Variants in CEP170 observed in about 807,000 individuals in gnomAD.
The protein encoded by CEP170 is centrosomal protein 170.
In CEP170, 21 loss-of-function variants were observed where a neutral mutation model predicts 151.9. That is an observed-to-expected ratio of 0.14 (90% CI 0.10 to 0.20). The LOEUF is 0.20. Among genes scored for constraint, CEP170 ranks in the 10% least tolerant of loss-of-function variants. CEP170 has a pLI of 1.00. For missense variants in CEP170, 964 were observed against 1,892.9 expected, an observed-to-expected ratio of 0.51 and a Z score of 9.11; for synonymous variants, 356 against 648.8, an observed-to-expected ratio of 0.55 and a Z score of 6.86.
At chr1:243,129,684 ATTC>A (rs1184371740) in intron 17 of CEP170, among the ~76,000 whole-genome samples, 1 of 152,128 alleles carries the variant, frequency 6.6e-6, no homozygotes, top group Non-Finnish European at 1.5e-5. Context: ...TGTTTATCTT[ATTC>A]TTTATTGAAA....
intron 10 of CEP170, among the ~76,000 whole-genome samples, chr1:243,181,645 T>C (rs1173027384): frequency 6.6e-6 from 1 of 152,216 alleles, no homozygotes; most frequent in Non-Finnish European, 1.5e-5. Context: ...TTTGCTCATC[T>C]TCTTTAGCCC....
chr1:243,150,977 A>G (rs1177091330), intron 14 of CEP170, among the ~76,000 whole-genome samples: 1 of 152,086 alleles, frequency 6.6e-6, no homozygotes, highest in African/African-American at 2.4e-5. Flanking sequence ...CAGAGTCCAT[A>G]TTCTTCACCA....
intron 3 of CEP170, among the ~76,000 whole-genome samples, chr1:243,213,769 G>C (rs2062019970): frequency 6.6e-6 from 1 of 152,168 alleles, no homozygotes; most frequent in South Asian, 2.1e-4. Flanking sequence ...GAGTGCAGTG[G>C]CATGGACCAC....
At chr1:243,144,450 C>G (rs2056231044) in intron 14 of CEP170, among the ~76,000 whole-genome samples, 1 of 152,136 alleles carries the variant, frequency 6.6e-6, no homozygotes, top group African/African-American at 2.4e-5. Flanking sequence ...TGATGTGATT[C>G]TTTTGAAATG....
At chr1:243,135,351 C>A (rs12124466) in intron 17 of CEP170, among the ~76,000 whole-genome samples, 3 of 151,900 alleles carry the variant, frequency 2.0e-5, no homozygotes, top group Non-Finnish European at 4.4e-5. Flanking sequence ...GGACTACAGG[C>A]GCCCGCCACC....
intron 1 of CEP170, among the ~76,000 whole-genome samples, chr1:243,235,587 T>C (rs1048901457): frequency 6.6e-6 from 1 of 152,102 alleles, no homozygotes; most frequent in African/African-American, 2.4e-5. Context: ...ATCTGCCATA[T>C]ACATTATTAA....
At chr1:243,189,417 G>A (rs1344858773) in intron 8 of CEP170, among the ~76,000 whole-genome samples, 1 of 151,884 alleles carries the variant, frequency 6.6e-6, no homozygotes, top group African/African-American at 2.4e-5. Context: ...TTAGCCGGGT[G>A]TGGTGGTGGG....
chr1:243,179,342 C>G (rs2059465614), intron 10 of CEP170, among the ~76,000 whole-genome samples: 1 of 152,062 alleles, frequency 6.6e-6, no homozygotes. Context: ...CTTTCCTTGC[C>G]AAGCAGATTT....
intron 12 of CEP170, among the ~76,000 whole-genome samples, chr1:243,168,741 A>G (rs1270273280): frequency 6.6e-6 from 1 of 151,768 alleles, no homozygotes; most frequent in Non-Finnish European, 1.5e-5. Context: ...TCTTATTGTT[A>G]ATTAGAAAAC....
intron 13 of CEP170, among the ~76,000 whole-genome samples, chr1:243,159,760 G>T (rs2057888157): frequency 1.7e-5 from 1 of 58,636 alleles, no homozygotes; most frequent in African/African-American, 8.5e-5. Flanking sequence ...TTTGTTTCCG[G>T]TTTTGTGTGT....
intron 12 of CEP170, 114 bp from the exon 13 acceptor site, chr1:243,166,230 T>G: frequency 1.4e-6 from 2 of 1,397,564 alleles, no homozygotes; most frequent in Non-Finnish European, 1.9e-6. Context: ...AGGCCCCTTA[T>G]TCCCCCAGGA....
chr1:243,157,031 C>T (rs1287630289), intron 13 of CEP170, among the ~76,000 whole-genome samples: 2 of 152,158 alleles, frequency 1.3e-5, no homozygotes, highest in East Asian at 3.8e-4. Flanking sequence ...TCCTGTTACG[C>T]TATGGTTGGA....
chr1:243,198,298 G>A (rs1572211245), intron 7 of CEP170, among the ~76,000 whole-genome samples: 1 of 152,086 alleles, frequency 6.6e-6, no homozygotes, highest in East Asian at 1.9e-4. Flanking sequence ...TCTGGTTTAC[G>A]GACTGAACCA....
chr1:243,169,444 C>T, intron 12 of CEP170, 184 bp downstream of exon 12: 1 of 1,135,874 alleles, frequency 8.8e-7, no homozygotes, highest in Non-Finnish European at 1.2e-6. Flanking sequence ...CATTTATCAG[C>T]ATGAGAATAT....
At chr1:243,212,933 G>A (rs2061949652) in intron 3 of CEP170, among the ~76,000 whole-genome samples, 1 of 151,940 alleles carries the variant, frequency 6.6e-6, no homozygotes, top group Admixed American at 6.6e-5. Flanking sequence ...CCAAAATCCT[G>A]GGATTATAGG....
At chr1:243,213,970 C>G (rs2062036084) in intron 3 of CEP170, among the ~76,000 whole-genome samples, 1 of 152,158 alleles carries the variant, frequency 6.6e-6, no homozygotes, top group Non-Finnish European at 1.5e-5. Flanking sequence ...ATTGGCCTCC[C>G]AAAGTGCTGG....
chr1:243,140,270 T>C, intron 15 of CEP170, 163 bp from the exon 16 acceptor site: 1 of 1,049,766 alleles, frequency 9.5e-7, no homozygotes, highest in Non-Finnish European at 1.3e-6. Flanking sequence ...TTATAAGCAC[T>C]TCAAATGTAT....
At chr1:243,157,559 C>T (rs986003198) in intron 13 of CEP170, among the ~76,000 whole-genome samples, 8 of 152,186 alleles carry the variant, frequency 5.3e-5, no homozygotes, top group African/African-American at 1.9e-4. Context: ...TTTCCGAAAC[C>T]TAGTGAAAAG....
chr1:243,138,113 T>C lies in CEP170; in HGVS notation c.4230+1824A>G, dbSNP rs568502405. Among the ~76,000 whole-genome samples, 89 of 152,338 alleles carry C rather than the reference T, an allele frequency of 5.8e-4. 1 individual carries two copies. The highest frequency in any genetic ancestry group is 5.5e-3 in the Admixed American group (84 of 15,308). On this transcript the variant is annotated intron_variant, in intron 16 of 19. Transcript: ENST00000366542. The stretch of plus-strand genomic sequence containing the variant: ...TTCTTTGCTCATGAAGTTTAGTTTG[T>C]TGTCACAAAGTATTAAATAAATTCC...
Sources: gnomAD v4.1 joint callset for allele counts (sites outside exome capture counted in the v4.1 genomes callset) on GRCh38, gnomAD v4.1.1 for gene constraint, MANE v1.5 for transcripts, NCBI Gene and HGNC (gene_info 2026-07-23, HGNC 2026-07-21) for gene names.